NFATC3: variants seen among roughly 807,000 people sequenced by gnomAD.
The protein encoded by NFATC3 is nuclear factor of activated T-cells, cytoplasmic 3.
NFATC3 carries 46 observed loss-of-function variants against 98.6 expected under a neutral mutation model. That is an observed-to-expected ratio of 0.47 (90% CI 0.37 to 0.60). The LOEUF is 0.60. Among genes scored for constraint, NFATC3 ranks in the 20% least tolerant of loss-of-function variants. The pLI is 0.00. For missense variants in NFATC3, 1,256 were observed against 1,295.5 expected, an observed-to-expected ratio of 0.97 and a Z score of 0.47; for synonymous variants, 512 against 472.2, an observed-to-expected ratio of 1.08 and a Z score of -1.09.
chr16:68,213,072 T>A (rs1451682499), intron 9 of NFATC3, among the ~76,000 whole-genome samples: 2 of 150,366 alleles, frequency 1.3e-5, no homozygotes, highest in Non-Finnish European at 3.0e-5. Flanking sequence ...GTGCTGGGAT[T>A]ACAGGTGTGA....
intron 3 of NFATC3, among the ~76,000 whole-genome samples, chr16:68,141,576 T>C (rs2037753577): frequency 6.6e-6 from 1 of 151,974 alleles, no homozygotes; most frequent in South Asian, 2.1e-4. Context: ...ATGTTGAGCA[T>C]TTTTTTCATA....
intron 1 of NFATC3, among the ~76,000 whole-genome samples, chr16:68,121,242 CTTTTTTTTTTTTT>C (rs753615194): frequency 2.9e-5 from 3 of 102,360 alleles, no homozygotes; most frequent in East Asian, 3.0e-4. Context: ...CTTTTCTTTT[CTTTTTTTTTTTTT>C]TTTTTTTTTG....
At chr16:68,144,960 C>T (rs998408514) in intron 3 of NFATC3, among the ~76,000 whole-genome samples, 4 of 151,830 alleles carry the variant, frequency 2.6e-5, no homozygotes, top group African/African-American at 9.7e-5. Flanking sequence ...ACATGGCTGC[C>T]TCAACCTGAT....
At chr16:68,100,049 A>G (rs965125101) in intron 1 of NFATC3, among the ~76,000 whole-genome samples, 1 of 152,036 alleles carries the variant, frequency 6.6e-6, no homozygotes, top group Admixed American at 6.5e-5. Flanking sequence ...GTATATTAAT[A>G]GTTTGTTCTG....
chr16:68,211,376 C>T (rs370154945), intron 9 of NFATC3, among the ~76,000 whole-genome samples: 27 of 151,178 alleles, frequency 1.8e-4, no homozygotes, highest in African/African-American at 5.6e-4. Context: ...TTAGTAGAGA[C>T]GGGGTTTCAC....
At chr16:68,165,392 C>CTTT (rs869025719) in intron 4 of NFATC3, among the ~76,000 whole-genome samples, 6 of 104,400 alleles carry the variant, frequency 5.7e-5, no homozygotes, top group Non-Finnish European at 8.1e-5. Context: ...TTTTCTTTTT[C>CTTT]TTTTTTTTTT....
chr16:68,164,632 C>G (rs1205634226), intron 4 of NFATC3, among the ~76,000 whole-genome samples: 4 of 152,160 alleles, frequency 2.6e-5, no homozygotes, highest in Admixed American at 2.6e-4. Flanking sequence ...GTAATCCCAG[C>G]TCTTTGGGAG....
Position 68,085,648 on chromosome 16 carries a change from C to T in NFATC3, c.-34C>T. The T allele has an allele frequency of 2.7e-6, 4 of 1,479,036 alleles. No individual in the cohort carries two copies. Among genetic ancestry groups the T allele is most frequent in the South Asian group, 2.6e-5 (2 of 78,258 alleles). The allele number at this position is 1,479,036 out of a possible 1,614,324, so 91.6% of individuals were successfully genotyped here. On this transcript the variant is annotated 5_prime_UTR_variant, in exon 1 of 10. Transcript: ENST00000346183. ...CGCTTGCCGCTGCCGCCGCCGCCGC[C>T]TGAGGAGGAGCTGCAGCACCCTGGG... is the stretch of plus-strand genomic sequence containing the variant.
At chr16:68,205,386 G>A (rs1222201643) in intron 9 of NFATC3, among the ~76,000 whole-genome samples, 1 of 151,928 alleles carries the variant, frequency 6.6e-6, no homozygotes, top group Non-Finnish European at 1.5e-5. Flanking sequence ...AGTAGCTGGG[G>A]CTACAGGTGC....
intron 1 of NFATC3, among the ~76,000 whole-genome samples, chr16:68,094,388 A>T (rs1002720385): frequency 6.6e-6 from 1 of 151,366 alleles, no homozygotes; most frequent in East Asian, 1.9e-4. Flanking sequence ...GGGTAGTTTC[A>T]TTTTTCAAGG....
At chr16:68,119,028 C>G (rs552597282) in intron 1 of NFATC3, among the ~76,000 whole-genome samples, 1 of 152,048 alleles carries the variant, frequency 6.6e-6, no homozygotes. Context: ...CCACCACGCC[C>G]GGCTAATTTT....
chr16:68,172,557 G>C (rs2039513662), intron 5 of NFATC3, among the ~76,000 whole-genome samples: 1 of 152,058 alleles, frequency 6.6e-6, no homozygotes, highest in Non-Finnish European at 1.5e-5. Context: ...TGTCCAGAAG[G>C]ACTGCTTGAG....
chr16:68,109,478 GTATT>G (rs1221114722), intron 1 of NFATC3, among the ~76,000 whole-genome samples: 1 of 152,200 alleles, frequency 6.6e-6, no homozygotes, highest in Non-Finnish European at 1.5e-5. Flanking sequence ...CGGTTTACCA[GTATT>G]TATTTGAGGA....
chr16:68,213,452 ATAAAAAT>A, intron 9 of NFATC3, among the ~76,000 whole-genome samples: 1 of 149,240 alleles, frequency 6.7e-6, no homozygotes. Flanking sequence ...ATTAAAAAAA[ATAAAAAT>A]TAAAAAAAAA....
chr16:68,091,252 G>T (rs937632859), intron 1 of NFATC3, among the ~76,000 whole-genome samples: 1 of 152,080 alleles, frequency 6.6e-6, no homozygotes, highest in African/African-American at 2.4e-5. Flanking sequence ...AGAAGTTGTG[G>T]GGGTTAAGTA....
intron 9 of NFATC3, chr16:68,225,793 T>C (rs2042018557): frequency 6.6e-6 from 1 of 152,228 alleles, no homozygotes; most frequent in African/African-American, 2.4e-5. Context: ...GGAAATTCTT[T>C]GCTCTGGACC....
At chr16:68,151,920 T>G (rs1159285984) in intron 3 of NFATC3, among the ~76,000 whole-genome samples, 1 of 150,732 alleles carries the variant, frequency 6.6e-6, no homozygotes, top group Non-Finnish European at 1.5e-5. Flanking sequence ...AATACAAAAG[T>G]TAGCTGGGCG....
chr16:68,158,138 T>C, intron 4 of NFATC3, 70 bp downstream of exon 4: 1 of 924,944 alleles, frequency 1.1e-6, no homozygotes, highest in Non-Finnish European at 1.6e-6. Context: ...AGTAAATATA[T>C]TTTTGAATAT....
At chr16:68,153,891 G>C (rs973999430) in intron 3 of NFATC3, among the ~76,000 whole-genome samples, 3 of 152,128 alleles carry the variant, frequency 2.0e-5, no homozygotes, top group Non-Finnish European at 2.9e-5. Context: ...TGGGATTACA[G>C]GTGTGAGCCA....
Sources: allele counts gnomAD v4.1 joint callset (sites outside exome capture counted in the v4.1 genomes callset), GRCh38; gene constraint gnomAD v4.1.1; transcripts MANE v1.5; gene names NCBI Gene and HGNC (gene_info 2026-07-23, HGNC 2026-07-21).